PIK3CB: variants seen among roughly 807,000 people sequenced by gnomAD.
The protein encoded by PIK3CB is phosphatidylinositol 4,5-bisphosphate 3-kinase catalytic subunit beta isoform.
PIK3CB carries 39 observed loss-of-function variants against 136.8 expected under a neutral mutation model. The ratio of observed to expected loss-of-function variants is 0.29; its 90% CI spans 0.22 to 0.37. PIK3CB has a LOEUF of 0.37. Ranked by LOEUF, PIK3CB falls within the 10% of genes least tolerant of loss-of-function variation. PIK3CB has a pLI of 1.00. For synonymous variants in PIK3CB, 428 were observed against 436.6 expected (o/e 0.98, Z 0.25); for missense variants, 868 against 1,275.4 (o/e 0.68, Z 4.87).
In PIK3CB at chr3:138,704,492, A is replaced by C; in HGVS notation, c.1532T>G (p.Ile511Ser). 1 of 1,599,676 alleles carries C rather than the reference A, an allele frequency of 6.3e-7. No homozygotes were observed. Among genetic ancestry groups the C allele is most frequent in the Non-Finnish European group, 8.6e-7 (1 of 1,167,118 alleles). ...TGCAATCTCAGCTGCCTTTTCAATA[A>C]TCTGTTTAAAAAAATTAAAGAAAAT... ...QPYYYPPFDK[I>S]IEKAAEIASS... is the part of the protein sequence containing the mutation. The change falls in exon 12 of 24, where the codon ATT becomes AGT. Residue 511 changes from isoleucine (I) to serine (S), a missense_variant and splice_region_variant. By Grantham distance (142) the Ile-to-Ser change is moderately radical. Transcript: ENST00000674063.
At chr3:138,781,789 G>A (rs543366493) in intron 2 of PIK3CB, among the ~76,000 whole-genome samples, 1 of 152,212 alleles carries the variant, frequency 6.6e-6, no homozygotes, top group East Asian at 1.9e-4. Flanking sequence ...GTGAGGGGGT[G>A]CACACTTAGG....
chr3:138,784,443 C>T (rs1196616553), intron 2 of PIK3CB, among the ~76,000 whole-genome samples: 1 of 152,084 alleles, frequency 6.6e-6, no homozygotes, highest in Non-Finnish European at 1.5e-5. Flanking sequence ...GTCTCCGTCT[C>T]CGTCTCCCAC....
intron 2 of PIK3CB, among the ~76,000 whole-genome samples, chr3:138,789,703 T>TC (rs1366978235): frequency 6.6e-6 from 1 of 151,698 alleles, no homozygotes; most frequent in Non-Finnish European, 1.5e-5. Context: ...TTCAGCCTTT[T>TC]TTTTTTTTGG....
Position 138,657,672 on chromosome 3 carries a change from CA to C in PIK3CB, c.2942+17del. The C allele has an allele frequency of 6.2e-7, 1 of 1,609,034 alleles. No homozygotes were observed. On this transcript the variant is annotated intron_variant, in intron 22 of 23. Transcript: ENST00000674063. Reference sequence around the variant, plus strand: ...AAATGTTAGAAGTGTTCAGCCTTGGCACAAGGGCAGTACTCACCGGCCAAAC... The same window carrying C: ...AAATGTTAGAAGTGTTCAGCCTTGGCCAAGGGCAGTACTCACCGGCCAAAC...
At chr3:138,662,574 G>C (rs1182156094) in intron 21 of PIK3CB, among the ~76,000 whole-genome samples, 1 of 148,700 alleles carries the variant, frequency 6.7e-6, no homozygotes, top group Non-Finnish European at 1.5e-5. Flanking sequence ...ATAAACATAC[G>C]TGTGCATGTG....
chr3:138,723,074 TCC>T (rs2044761202), intron 8 of PIK3CB, among the ~76,000 whole-genome samples: 1 of 151,522 alleles, frequency 6.6e-6, no homozygotes, highest in Non-Finnish European at 1.5e-5. Context: ...ATTTAGAATC[TCC>T]CAATAAAAAG....
intron 8 of PIK3CB, among the ~76,000 whole-genome samples, chr3:138,725,505 C>A (rs2044818409): frequency 1.3e-5 from 2 of 152,164 alleles, no homozygotes; most frequent in Non-Finnish European, 2.9e-5. Context: ...CTCACAGGTT[C>A]CTGGGGCTCT....
At chr3:138,725,938 G>C (rs1022155739) in intron 8 of PIK3CB, among the ~76,000 whole-genome samples, 1 of 152,150 alleles carries the variant, frequency 6.6e-6, no homozygotes, top group African/African-American at 2.4e-5. Context: ...ATTATGTTAT[G>C]AGACATTGGG....
chr3:138,683,887 T>A (rs1323243958), intron 17 of PIK3CB, 100 bp from the exon 18 acceptor site: 1 of 684,016 alleles, frequency 1.5e-6, no homozygotes, highest in African/African-American at 1.8e-5. Flanking sequence ...CCTCACCTAT[T>A]CCTGTCAGGT....
chr3:138,792,855 G>A (rs1480287390), intron 2 of PIK3CB, among the ~76,000 whole-genome samples: 1 of 152,126 alleles, frequency 6.6e-6, no homozygotes, highest in Non-Finnish European at 1.5e-5. Context: ...ACAGCTCACT[G>A]CAACCTTGAA....
At chr3:138,772,219 AG>A (rs1344390695) in intron 2 of PIK3CB, among the ~76,000 whole-genome samples, 19 of 152,324 alleles carry the variant, frequency 1.2e-4, no homozygotes, top group African/African-American at 4.6e-4. Context: ...TAAAGTTAAA[AG>A]AAAAAACTGC....
chr3:138,803,737 A>C (rs781699345), intron 1 of PIK3CB, among the ~76,000 whole-genome samples: 2 of 152,148 alleles, frequency 1.3e-5, no homozygotes, highest in Non-Finnish European at 2.9e-5. Context: ...TAGGGAAGTC[A>C]CTGGAGCTGA....
At chr3:138,704,404 C>A in intron 12 of PIK3CB, 39 bp downstream of exon 12, 1 of 1,384,704 alleles carries the variant, frequency 7.2e-7, no homozygotes, top group Non-Finnish European at 1.0e-6. Context: ...ATGTGCACAA[C>A]TCCATAAGAA....
intron 1 of PIK3CB, among the ~76,000 whole-genome samples, chr3:138,806,281 T>A (rs2046233638): frequency 6.6e-6 from 1 of 152,092 alleles, no homozygotes. Flanking sequence ...AGGTCAAAAG[T>A]TCGAGACCAG....
chr3:138,750,865 G>A (rs2108700018), intron 4 of PIK3CB, among the ~76,000 whole-genome samples: 1 of 152,296 alleles, frequency 6.6e-6, no homozygotes, highest in African/African-American at 2.4e-5. Flanking sequence ...ATAAAACTGT[G>A]TTTACTGATC....
At chr3:138,707,393 T>C in intron 10 of PIK3CB, 104 bp from the exon 11 acceptor site, 1 of 1,433,544 alleles carries the variant, frequency 7.0e-7, no homozygotes, top group Non-Finnish European at 9.1e-7. Flanking sequence ...TAGAAGTATG[T>C]CAACTACAGA....
intron 8 of PIK3CB, among the ~76,000 whole-genome samples, chr3:138,715,095 G>A (rs960370720): frequency 2.0e-5 from 3 of 152,126 alleles, no homozygotes; most frequent in Non-Finnish European, 2.9e-5. Context: ...TCATTTACTT[G>A]AGGTCTTGTC....
At chr3:138,819,072 G>A (rs1021833084) in intron 1 of PIK3CB, among the ~76,000 whole-genome samples, 4 of 152,202 alleles carry the variant, frequency 2.6e-5, no homozygotes, top group Non-Finnish European at 5.9e-5. Flanking sequence ...TACCGGGCCG[G>A]GCGCAGTGGC....
chr3:138,723,079 A>T (rs244381), intron 8 of PIK3CB, among the ~76,000 whole-genome samples: 86,380 of 150,592 alleles, frequency 0.57, 25,514 homozygotes, highest in East Asian at 0.98. Flanking sequence ...GAATCTCCCA[A>T]TAAAAAGAAA....
Sources: allele counts gnomAD v4.1 joint callset (sites outside exome capture counted in the v4.1 genomes callset), GRCh38; gene constraint gnomAD v4.1.1; transcripts MANE v1.5; gene names NCBI Gene and HGNC (gene_info 2026-07-23, HGNC 2026-07-21).